Variants in IRAG2 observed in about 807,000 individuals in gnomAD.
IRAG2 encodes the protein lymphoid restricted membrane protein.
A neutral mutation model predicts 69.9 loss-of-function variants in IRAG2; 45 were observed. The ratio of observed to expected loss-of-function variants is 0.64; its 90% CI spans 0.51 to 0.83. IRAG2 has a LOEUF of 0.83. Among genes scored for constraint, IRAG2 ranks in the 40% least tolerant of loss-of-function variants. IRAG2 has a pLI of 0.00. For missense variants in IRAG2, 520 were observed against 587.0 expected, an observed-to-expected ratio of 0.89 and a Z score of 1.18; for synonymous variants, 193 against 202.4, an observed-to-expected ratio of 0.95 and a Z score of 0.40.
intron 16 of IRAG2, among the ~76,000 whole-genome samples, chr12:25,042,735 G>T (rs1421778582): frequency 1.3e-5 from 2 of 151,504 alleles, no homozygotes; most frequent in African/African-American, 4.9e-5. Context: ...AAAGTGCTGG[G>T]ATTATAGGCA....
rs1035293156 is a variant in IRAG2 at position 25,108,287 on chromosome 12, T to C, written c.*227T>C. ...TGAGCTTTTTAAGGAAGAAATATTA[T>C]ATATTGTTTGTTAAAGTTTATTGAA... is the stretch of plus-strand genomic sequence containing the variant. On this transcript the variant is annotated 3_prime_UTR_variant, in exon 22 of 22. Coordinates refer to ENST00000556887, the MANE Select transcript of IRAG2 (RefSeq NM_001366544.2). 1.1e-5 allele frequency: 6 copies of C among 559,806 alleles called. No individual in the cohort carries two copies. The highest frequency in any genetic ancestry group is 7.5e-5 in the African/African-American group (4 of 53,160). 34.7% of individuals were successfully genotyped at this position (559,806 alleles called of 1,614,324 possible).
chr12:25,093,433 G>C (rs1420111601), intron 14 of IRAG2: 1 of 153,056 alleles, frequency 6.5e-6, no homozygotes, highest in Non-Finnish European at 1.5e-5. Flanking sequence ...GCCTCGTGTT[G>C]TTGGGTCTTT....
intron 2 of IRAG2, among the ~76,000 whole-genome samples, chr12:25,008,199 T>C (rs1033798257): frequency 2.0e-5 from 3 of 152,244 alleles, no homozygotes; most frequent in Non-Finnish European, 2.9e-5. Context: ...AATACATCTA[T>C]AATGAGAAAC....
intron 17 of IRAG2, 191 bp downstream of exon 17, chr12:25,102,432 C>A: frequency 1.8e-6 from 1 of 569,386 alleles, no homozygotes; most frequent in Non-Finnish European, 3.1e-6. Flanking sequence ...TGCCTGGCAG[C>A]ATGAAGAAAG....
At chr12:25,024,132 A>G (rs1017490761) in intron 8 of IRAG2, among the ~76,000 whole-genome samples, 2 of 152,238 alleles carry the variant, frequency 1.3e-5, no homozygotes, top group Non-Finnish European at 2.9e-5. Flanking sequence ...CTTGGAAGAA[A>G]TGGGATTTAA....
intron 20 of IRAG2, among the ~76,000 whole-genome samples, chr12:25,106,230 TA>T (rs1949096577): frequency 6.6e-6 from 1 of 151,440 alleles, no homozygotes; most frequent in South Asian, 2.1e-4. Flanking sequence ...TAATGTTAAA[TA>T]AAATTTAAAA....
At chr12:25,010,192 C>A (rs1395294899) in intron 2 of IRAG2, among the ~76,000 whole-genome samples, 2 of 152,242 alleles carry the variant, frequency 1.3e-5, no homozygotes, top group Admixed American at 6.5e-5. Context: ...TAATGCAATT[C>A]TCTGCTGGGT....
upstream of IRAG2, among the ~76,000 whole-genome samples, chr12:25,004,114 A>T (rs189418980): frequency 4.7e-4 from 71 of 152,288 alleles, no homozygotes; most frequent in East Asian, 0.012. Context: ...CTTGATAAAT[A>T]CTTTATACAT....
rs749069726 is a variant in IRAG2 at position 25,061,636 on chromosome 12, C to G, written c.-402C>G. 1.0e-5 allele frequency: 4 copies of G among 398,438 alleles called. No homozygotes were observed. Among genetic ancestry groups the G allele is most frequent in the Non-Finnish European group, 1.8e-5 (4 of 226,050 alleles). 24.7% of individuals were successfully genotyped at this position (398,438 alleles called of 1,614,324 possible). A position where few individuals can be genotyped will look rare whatever the true frequency, so the allele number is the denominator to read the frequency against. ...AAAGGAGTTCATTGAAGGGGAACAC[C>G]ATGGCTTGCTGTTTCAGGTAAAATA... On this transcript the variant is annotated 5_prime_UTR_variant, in exon 2 of 22. Coordinates refer to ENST00000556887, the MANE Select transcript of IRAG2 (RefSeq NM_001366544.2).
At chr12:25,011,979 T>C (rs1051741240) in intron 3 of IRAG2, among the ~76,000 whole-genome samples, 4 of 151,904 alleles carry the variant, frequency 2.6e-5, no homozygotes, top group Non-Finnish European at 4.4e-5. Flanking sequence ...GGCTAGTCAG[T>C]GAATGTAATT....
intron 16 of IRAG2, among the ~76,000 whole-genome samples, chr12:25,045,735 A>T (rs1481706490): frequency 6.6e-6 from 1 of 151,940 alleles, no homozygotes; most frequent in African/African-American, 2.4e-5. Context: ...TCAGTAATTA[A>T]ACACCTCCCA....
chr12:25,078,838 T>A (rs1361189746), intron 6 of IRAG2, among the ~76,000 whole-genome samples: 1 of 152,232 alleles, frequency 6.6e-6, no homozygotes, highest in Non-Finnish European at 1.5e-5. Context: ...AGAGCAATTT[T>A]AAAATTACCA....
intron 3 of IRAG2, chr12:25,015,114 A>AAAAAT: frequency 5.7e-6 from 2 of 351,112 alleles, no homozygotes; most frequent in Non-Finnish European, 8.1e-6. Flanking sequence ...AAAAAAAAAG[A>AAAAAT]CAAAACTTGG....
intron 3 of IRAG2, among the ~76,000 whole-genome samples, chr12:25,014,008 G>A (rs530185199): frequency 6.6e-6 from 1 of 150,708 alleles, no homozygotes; most frequent in East Asian, 1.9e-4. Flanking sequence ...CCGAGTAGCT[G>A]GGACTACAGG....
chr12:25,063,040 A>C, intron 3 of IRAG2, 140 bp downstream of exon 3: 1 of 393,788 alleles, frequency 2.5e-6, no homozygotes, highest in Non-Finnish European at 4.5e-6. Context: ...CAAGTGAGGC[A>C]ACAGATACGT....
intron 1 of IRAG2, among the ~76,000 whole-genome samples, chr12:25,054,240 T>C (rs192981173): frequency 6.6e-6 from 1 of 152,244 alleles, no homozygotes; most frequent in East Asian, 1.9e-4. Context: ...GTTATTTTAC[T>C]ACTGCTCAGA....
chr12:25,056,208 C>T (rs935353553), intron 1 of IRAG2, among the ~76,000 whole-genome samples: 3 of 152,078 alleles, frequency 2.0e-5, no homozygotes, highest in Admixed American at 6.6e-5. Context: ...AAGATGAAAG[C>T]CGTGTCCTAA....
chr12:25,096,935 A>G lies in IRAG2; in HGVS notation c.632A>G (p.Asp211Gly). 6.2e-7 allele frequency: 1 copy of G among 1,613,532 alleles called. No homozygotes were observed. Among genetic ancestry groups the G allele is most frequent in the East Asian group, 2.2e-5 (1 of 44,852 alleles). The stretch of plus-strand genomic sequence containing the variant: ...TCTTTAACACCTCTGTGTGAAGATG[A>G]CAACCAGGCACAGGAAATCATTAAG... ...LESLTPLCEDDNQAQEIIKKL... is the reference protein window; with the variant it reads ...LESLTPLCEDGNQAQEIIKKL... The change falls in exon 15 of 22, where the codon GAC becomes GGC. Residue 211 changes from aspartate to glycine, a missense_variant. Asp to Gly is a moderately conservative substitution (Grantham distance 94, BLOSUM62 -1). Coordinates refer to ENST00000556887, the MANE Select transcript of IRAG2 (RefSeq NM_001366544.2).
rs1360325151 is a variant in IRAG2, at chr12:25,101,310, C to A, written c.874C>A (p.Pro292Thr). The part of the protein sequence containing the change: ...VLLQNERSFN[P>T]LEDDDDCQIK... ...TCTGCAGAATGAAAGGTCTTTCAAT[C>A]CTCTTGAAGATGATGGTAATAAAAG... Residue 292 changes from proline to threonine, a missense_variant, in exon 16 of 22, where the codon CCT becomes ACT. Transcript: ENST00000556887. The A allele has an allele frequency of 1.3e-6, 2 of 1,596,480 alleles. No homozygotes were observed. The highest frequency in any genetic ancestry group is 2.7e-5 in the African/African-American group (2 of 74,308).
Sources: allele counts gnomAD v4.1 joint callset (sites outside exome capture counted in the v4.1 genomes callset), GRCh38; gene constraint gnomAD v4.1.1; transcripts MANE v1.5; gene names NCBI Gene and HGNC (gene_info 2026-07-23, HGNC 2026-07-21).